The following CNBD2 variants were observed in gnomAD, a reference collection of about 807,000 sequenced individuals.
CNBD2 encodes the protein cyclic nucleotide-binding domain-containing protein 2.
CNBD2 carries 64 observed loss-of-function variants against 63.7 expected under a neutral mutation model. The ratio of observed to expected loss-of-function variants is 1.00; its 90% CI spans 0.82 to 1.24. The LOEUF is 1.24. CNBD2 is among the 50% of genes most tolerant of loss of function. CNBD2 has a pLI of 0.00. For missense variants in CNBD2, 691 were observed against 713.5 expected, an observed-to-expected ratio of 0.97 and a Z score of 0.36; for synonymous variants, 229 against 255.4, an observed-to-expected ratio of 0.90 and a Z score of 0.99.
chr20:35,972,963 T>A, intron 2 of CNBD2, 197 bp downstream of exon 2: 1 of 599,758 alleles, frequency 1.7e-6, no homozygotes, highest in Non-Finnish European at 2.9e-6. Context: ...GTTTACCTAA[T>A]ACTGAACCCC....
intron 1 of CNBD2, among the ~76,000 whole-genome samples, chr20:35,970,007 T>C (rs1006852838): frequency 1.6e-4 from 24 of 152,208 alleles, no homozygotes; most frequent in African/African-American, 5.8e-4. Flanking sequence ...TTTCACAATT[T>C]GGCTGGGGCA....
At chr20:35,986,701 G>A (rs913502090) in intron 6 of CNBD2, among the ~76,000 whole-genome samples, 5 of 152,212 alleles carry the variant, frequency 3.3e-5, no homozygotes, top group South Asian at 2.1e-4. Flanking sequence ...AATGAACTCA[G>A]TCCACCTGAG....
chr20:36,030,084 C>T (rs2057326081), intron 11 of CNBD2, among the ~76,000 whole-genome samples: 1 of 152,194 alleles, frequency 6.6e-6, no homozygotes, highest in African/African-American at 2.4e-5. Flanking sequence ...TCTGTGAAAT[C>T]TGGTGTGTAT....
intron 10 of CNBD2, among the ~76,000 whole-genome samples, chr20:36,023,101 C>G (rs1411656469): frequency 6.6e-6 from 1 of 152,214 alleles, no homozygotes; most frequent in Non-Finnish European, 1.5e-5. Context: ...AGGTGCTCTT[C>G]TAATTCCACG....
chr20:36,007,151 T>G lies in CNBD2; in HGVS notation c.971-1146T>G, dbSNP rs138234934. On this transcript the variant is annotated intron_variant, in intron 8 of 11. Transcript: ENST00000373973. ...TTGCAGTGAGCAGAGATCGCACCAC[T>G]GCACTTCAGCCTGGGCGACAGAGTG... Among the ~76,000 whole-genome samples the G allele has an allele frequency of 9.8e-3, 1,483 of 152,102 alleles. 29 individuals are homozygous for G. Among genetic ancestry groups the G allele is most frequent in the African/African-American group, 0.034 (1,403 of 41,434 alleles).
chr20:35,977,331 A>T (rs1159685151), intron 3 of CNBD2, among the ~76,000 whole-genome samples: 1 of 152,176 alleles, frequency 6.6e-6, no homozygotes, highest in East Asian at 1.9e-4. Context: ...AGTAGCTGGC[A>T]TTACAGGTGT....
upstream of CNBD2, among the ~76,000 whole-genome samples, chr20:35,965,312 G>A (rs1340530899): frequency 6.6e-6 from 1 of 151,762 alleles, no homozygotes; most frequent in Non-Finnish European, 1.5e-5. Flanking sequence ...CGAGTAGCTG[G>A]GATTACAGGT....
chr20:35,989,336 T>G (rs1283073160), intron 7 of CNBD2, among the ~76,000 whole-genome samples: 1 of 152,230 alleles, frequency 6.6e-6, no homozygotes, highest in Non-Finnish European at 1.5e-5. Context: ...TGGTCCAGGC[T>G]CTGGAGGGAT....
At chr20:36,017,949 C>G (rs1296598743) in intron 10 of CNBD2, among the ~76,000 whole-genome samples, 3 of 152,252 alleles carry the variant, frequency 2.0e-5, no homozygotes, top group Non-Finnish European at 4.4e-5. Context: ...CCCCTGCCCC[C>G]ACTACTGGAT....
intron 11 of CNBD2, among the ~76,000 whole-genome samples, chr20:36,028,351 C>T (rs1197947175): frequency 2.0e-5 from 3 of 152,056 alleles, no homozygotes; most frequent in African/African-American, 7.2e-5. Context: ...ATTCATTAAT[C>T]GTTGAACTCA....
At chr20:36,008,528 A>T in intron 9 of CNBD2, 54 bp downstream of exon 9, 1 of 1,511,386 alleles carries the variant, frequency 6.6e-7, no homozygotes, top group Non-Finnish European at 9.0e-7. Context: ...GCAAAGGGAG[A>T]TAATACTTAT....
At chr20:35,972,894 C>A in intron 2 of CNBD2, 128 bp downstream of exon 2, 4 of 831,964 alleles carry the variant, frequency 4.8e-6, no homozygotes, top group South Asian at 3.4e-5. Flanking sequence ...ACCCAATGGT[C>A]ACTTTTATTA....
At chr20:35,993,483 A>G (rs903003091) in intron 7 of CNBD2, among the ~76,000 whole-genome samples, 1 of 152,224 alleles carries the variant, frequency 6.6e-6, no homozygotes, top group Non-Finnish European at 1.5e-5. Context: ...GCATAGAATA[A>G]TATGTGACCA....
At chr20:35,964,996 C>T (rs1394513491), upstream of CNBD2, among the ~76,000 whole-genome samples, 12 of 152,096 alleles carry the variant, frequency 7.9e-5, no homozygotes, top group Non-Finnish European at 1.2e-4. Context: ...CCACCATGCC[C>T]GGCCTCATAT....
Position 36,030,582 on chromosome 20 carries a change from C to G in CNBD2, c.1665C>G (p.Leu555=). Residue 555 remains leucine (L), a synonymous_variant, in exon 12 of 12, where the codon CTC becomes CTG. Transcript: ENST00000373973. ...YPIFMAPQKY[L]PPLRIVQAIK... is the part of the protein sequence containing the mutation. ...TTTTTATGGCACCCCAGAAATACCT[C>G]CCCCCATTGAGGATTGTCCAAGCCA... 1.9e-6 allele frequency: 3 copies of G among 1,614,114 alleles called. No individual in the cohort carries two copies. Among genetic ancestry groups the G allele is most frequent in the Non-Finnish European group, 2.5e-6 (3 of 1,180,014 alleles).
intron 2 of CNBD2, among the ~76,000 whole-genome samples, chr20:35,975,302 C>CTT (rs1416435121): frequency 3.6e-5 from 3 of 84,142 alleles, no homozygotes; most frequent in Non-Finnish European, 5.3e-5. Context: ...CGCCCGGCCT[C>CTT]TTTTTTTTTA....
At chr20:36,020,674 G>A (rs976563546) in intron 10 of CNBD2, among the ~76,000 whole-genome samples, 1 of 152,274 alleles carries the variant, frequency 6.6e-6, no homozygotes, top group Non-Finnish European at 1.5e-5. Context: ...GTTGTAAGGT[G>A]TAAATTCATA....
intron 11 of CNBD2, among the ~76,000 whole-genome samples, chr20:36,029,176 T>A (rs2057315067): frequency 6.6e-6 from 1 of 152,094 alleles, no homozygotes; most frequent in African/African-American, 2.4e-5. Flanking sequence ...TAAAAAAAAA[T>A]TATCCCCTAA....
chr20:36,009,794 T>A (rs561555442), intron 9 of CNBD2, among the ~76,000 whole-genome samples: 4 of 152,274 alleles, frequency 2.6e-5, no homozygotes, highest in African/African-American at 9.6e-5. Context: ...ATCACGCCAC[T>A]GTACTTCAGC....
Sources: gnomAD v4.1 joint callset for allele counts (sites outside exome capture counted in the v4.1 genomes callset) on GRCh38, gnomAD v4.1.1 for gene constraint, MANE v1.5 for transcripts, NCBI Gene and HGNC (gene_info 2026-07-23, HGNC 2026-07-21) for gene names.